The following YWHAE variants were observed in gnomAD, a reference collection of about 807,000 sequenced individuals.
The protein encoded by YWHAE is tyrosine 3-monooxygenase/tryptophan 5-monooxygenase activation protein epsilon, also known as 14-3-3 protein epsilon.
Under a neutral mutation model 30.1 loss-of-function variants are expected in YWHAE, and 4 were observed. The observed-to-expected ratio is 0.13, with a 90% CI of 0.07 to 0.30. The LOEUF is 0.30. YWHAE is among the 10% of genes least tolerant of loss of function. The pLI is 1.00. For synonymous variants in YWHAE, 118 were observed against 111.8 expected, an observed-to-expected ratio of 1.06 and a Z score of -0.35; for missense variants, 121 against 315.9, an observed-to-expected ratio of 0.38 and a Z score of 4.68.
chr17:1,388,111 TTGGTTGG>T lies in YWHAE; in HGVS notation c.64+11929_64+11935del, dbSNP rs780451470. 6.3e-3 allele frequency among the ~76,000 whole-genome samples: 285 copies of T among 45,038 alleles called. 40 individuals carry two copies. The highest frequency in any genetic ancestry group is 0.024 in the African/African-American group (185 of 7,660). 29.5% of individuals were successfully genotyped at this position (45,038 alleles called of 152,430 possible). On this transcript the variant is annotated intron_variant, in intron 1 of 5. Transcript: ENST00000264335. ...GCCTGGGTAATTTTTGTTTTTTTTT[TTGGTTGG>T]TTTTTTTTTTTTTTTTTTTTTTTTA... is the stretch of plus-strand genomic sequence containing the variant.
intron 1 of YWHAE, among the ~76,000 whole-genome samples, chr17:1,383,622 AG>A (rs1468566921): frequency 6.6e-6 from 1 of 151,602 alleles, no homozygotes; most frequent in Non-Finnish European, 1.5e-5. Flanking sequence ...TCCTGACCTC[AG>A]GTGATCCACC....
chr17:1,349,085 G>A (rs1464441538), intron 5 of YWHAE, among the ~76,000 whole-genome samples: 1 of 151,440 alleles, frequency 6.6e-6, no homozygotes, highest in Non-Finnish European at 1.5e-5. Context: ...ACTCGGGCCT[G>A]TAATCCCAGC....
intron 1 of YWHAE, among the ~76,000 whole-genome samples, chr17:1,392,455 T>C (rs770462372): frequency 2.0e-5 from 3 of 152,190 alleles, no homozygotes; most frequent in Non-Finnish European, 4.4e-5. Flanking sequence ...CTTGCTGCTC[T>C]TTCCTACTCC....
At chr17:1,398,711 G>A (rs1018282340) in intron 1 of YWHAE, 1 of 152,020 alleles carries the variant, frequency 6.6e-6, no homozygotes, top group Admixed American at 6.6e-5. Flanking sequence ...TAAATGTGTG[G>A]GTATTTCAAA....
chr17:1,391,375 T>C (rs960535850), intron 1 of YWHAE, among the ~76,000 whole-genome samples: 1 of 152,200 alleles, frequency 6.6e-6, no homozygotes, highest in Non-Finnish European at 1.5e-5. Context: ...GAAACTGTTG[T>C]ATGAGTCTAA....
At chr17:1,383,265 G>A (rs1447045989) in intron 1 of YWHAE, among the ~76,000 whole-genome samples, 5 of 151,932 alleles carry the variant, frequency 3.3e-5, no homozygotes, top group Admixed American at 3.3e-4. Context: ...CAGGAGAATT[G>A]CTTGATCCTG....
intron 4 of YWHAE, among the ~76,000 whole-genome samples, chr17:1,359,941 GGA>G (rs2072834538): frequency 1.3e-5 from 1 of 77,840 alleles, no homozygotes; most frequent in East Asian, 5.9e-4. Flanking sequence ...GGGAGGAGGG[GGA>G]GGGGGGGAGA....
At chr17:1,375,563 G>A (rs1020472084) in intron 1 of YWHAE, among the ~76,000 whole-genome samples, 1 of 152,164 alleles carries the variant, frequency 6.6e-6, no homozygotes, top group African/African-American at 2.4e-5. Context: ...GTAATTTTGA[G>A]TAACAAAATC....
At chr17:1,347,522 G>A (rs554254083) in intron 5 of YWHAE, among the ~76,000 whole-genome samples, 29 of 152,094 alleles carry the variant, frequency 1.9e-4, no homozygotes, top group Middle Eastern at 3.4e-3. Flanking sequence ...TAAAATACAT[G>A]AAGATCTTTA....
intron 1 of YWHAE, among the ~76,000 whole-genome samples, chr17:1,365,721 T>C (rs764895874): frequency 6.6e-6 from 1 of 152,178 alleles, no homozygotes; most frequent in African/African-American, 2.4e-5. Flanking sequence ...AAATAGTAAC[T>C]GAATAAATAC....
intron 1 of YWHAE, among the ~76,000 whole-genome samples, chr17:1,378,509 A>T (rs567667893): frequency 3.3e-5 from 5 of 152,294 alleles, no homozygotes; most frequent in Admixed American, 1.3e-4. Context: ...ATGGAGCAAA[A>T]TTTTTTCTAA....
rs569943403 is a variant in YWHAE at position 1,353,452 on chromosome 17, A to G, written c.715+759T>C. Among the ~76,000 whole-genome samples the G allele has an allele frequency of 2.6e-4, 27 of 105,860 alleles. No homozygotes were observed. In the East Asian group the frequency reaches 0.02, roughly 80 times the overall value. 69.4% of individuals were successfully genotyped at this position (105,860 alleles called of 152,430 possible). A position where few individuals can be genotyped will look rare whatever the true frequency, so the allele number is the denominator to read the frequency against. The stretch of plus-strand genomic sequence containing the variant: ...GACTCCATCTCAAAAAAAAAAAAAG[A>G]AAAGAAAAGAAAAGAAAAGAATAAA... On this transcript the variant is annotated intron_variant, in intron 5 of 5. Transcript: ENST00000264335.
chr17:1,383,077 G>A (rs1025933194), intron 1 of YWHAE, among the ~76,000 whole-genome samples: 12 of 150,782 alleles, frequency 8.0e-5, no homozygotes, highest in African/African-American at 1.5e-4. Flanking sequence ...CTGGCTGGTC[G>A]TGGTGGCTCA....
intron 1 of YWHAE, chr17:1,369,685 T>C (rs2073000288): frequency 6.6e-6 from 1 of 152,192 alleles, no homozygotes; most frequent in Non-Finnish European, 1.5e-5. Context: ...TTGTCTCTTA[T>C]GCACATTTCA....
rs1555648143 is a variant in YWHAE at position 1,398,344 on chromosome 17, C to CCCA, written c.64+1702_64+1703insTGG. The stretch of plus-strand genomic sequence containing the variant: ...TACTTCCCCATCTTATCCCCCCCCC[C>CCCA]AACAGGAACCTTGTTGAATACAAAT... On this transcript the variant is annotated intron_variant, in intron 1 of 5. Coordinates refer to ENST00000264335, the MANE Select transcript of YWHAE (RefSeq NM_006761.5). Among the ~76,000 whole-genome samples the CCCA allele has an allele frequency of 9.3e-5, 12 of 129,694 alleles. No homozygotes were observed. The East Asian group carries it at 2.7e-3, about 29-fold the overall frequency. 85.1% of individuals were successfully genotyped at this position (129,694 alleles called of 152,430 possible). A position where few individuals can be genotyped will look rare whatever the true frequency, so the allele number is the denominator to read the frequency against.
At chr17:1,392,562 A>G (rs551191622) in intron 1 of YWHAE, among the ~76,000 whole-genome samples, 47 of 152,198 alleles carry the variant, frequency 3.1e-4, no homozygotes, top group African/African-American at 1.1e-3. Flanking sequence ...TTGTATGTCT[A>G]TATCTGGCCG....
intron 1 of YWHAE, among the ~76,000 whole-genome samples, chr17:1,383,684 G>A (rs986609706): frequency 1.3e-5 from 2 of 151,614 alleles, no homozygotes; most frequent in African/African-American, 2.4e-5. Context: ...CACTGCACCC[G>A]GCCCTTGTTT....
chr17:1,360,355 T>TA (rs968988154), intron 4 of YWHAE, among the ~76,000 whole-genome samples: 1 of 152,196 alleles, frequency 6.6e-6, no homozygotes, highest in African/African-American at 2.4e-5. Context: ...AGCTGAAGTA[T>TA]AAATGGGGGA....
chr17:1,363,218 A>G (rs1247966224), intron 2 of YWHAE, among the ~76,000 whole-genome samples: 3 of 151,832 alleles, frequency 2.0e-5, no homozygotes, highest in African/African-American at 7.3e-5. Context: ...TTCTCTTATT[A>G]TTTCTATTTA....
Sources: gnomAD v4.1 joint callset for allele counts (sites outside exome capture counted in the v4.1 genomes callset) on GRCh38, gnomAD v4.1.1 for gene constraint, MANE v1.5 for transcripts, NCBI Gene and HGNC (gene_info 2026-07-23, HGNC 2026-07-21) for gene names.